Variants in FRMD6 observed in about 807,000 individuals in gnomAD.
The protein encoded by FRMD6 is FERM domain containing 6, also known as FERM domain-containing protein 6.
A neutral mutation model predicts 73.2 loss-of-function variants in FRMD6; 37 were observed. That is an observed-to-expected ratio of 0.51 (90% CI 0.39 to 0.66). The LOEUF is 0.66. FRMD6 is among the 30% of genes least tolerant of loss of function. The pLI is 0.00. For missense variants in FRMD6, 714 were observed against 780.5 expected (o/e 0.91, Z 1.02); for synonymous variants, 273 against 282.2 (o/e 0.97, Z 0.33).
At chr14:51,573,743 C>T (rs746802898) in intron 2 of FRMD6, among the ~76,000 whole-genome samples, 6 of 152,126 alleles carry the variant, frequency 3.9e-5, no homozygotes, top group Admixed American at 6.5e-5. Context: ...GGAGACTGGA[C>T]GCTTACCTTA....
chr14:51,681,377 T>G (rs1894786129), intron 1 of FRMD6, among the ~76,000 whole-genome samples: 1 of 152,228 alleles, frequency 6.6e-6, no homozygotes, highest in East Asian at 1.9e-4. Flanking sequence ...CCAGTTATGT[T>G]TCTTGCTAGT....
chr14:51,482,469 C>G, the FRMD6 span, among the ~76,000 whole-genome samples: 24,484 of 152,162 alleles, frequency 0.16, 2,075 homozygotes, highest in Non-Finnish European at 0.19. Flanking sequence ...ATGGGTGTTT[C>G]TATAACCTGT....
Position 51,563,651 on chromosome 14 carries a change from T to C in FRMD6, c.-209-6697T>C, listed in dbSNP as rs141369068. Among the ~76,000 whole-genome samples the C allele has an allele frequency of 4.8e-3, 728 of 151,940 alleles. 7 individuals carry two copies. The highest frequency in any genetic ancestry group is 0.016 in the African/African-American group (676 of 41,392). On this transcript the variant is annotated intron_variant, in intron 1 of 14. Coordinates refer to the FRMD6 transcript ENST00000356218. ...TGCCACTGCACTCCAGCCTAGGCAA[T>C]AGAGCGAGATTCAGTCTCAAAAAAA...
chr14:51,554,572 C>A (rs1188116885), intron 1 of FRMD6: 1 of 152,194 alleles, frequency 6.6e-6, no homozygotes, highest in East Asian at 1.9e-4. Flanking sequence ...TCTGTGGAAT[C>A]TGTGACTTTC....
chr14:51,530,681 C>T (rs1201309141), intron 1 of FRMD6, among the ~76,000 whole-genome samples: 2 of 151,530 alleles, frequency 1.3e-5, no homozygotes, highest in Admixed American at 1.3e-4. Context: ...GTCATGGGGT[C>T]TCACCATGTT....
chr14:51,543,551 A>G lies in FRMD6; in HGVS notation c.-209-26797A>G, dbSNP rs902559225. On this transcript the variant is annotated intron_variant, in intron 1 of 14. Transcript: ENST00000356218. ...ATCAAAAATTTATTGAGCATCTACC[A>G]CATGCTTGATAATATGCCAAGCACC... Among the ~76,000 whole-genome samples the G allele has an allele frequency of 9.9e-5, 15 of 152,008 alleles. 1 individual carries two copies. Among genetic ancestry groups the G allele is most frequent in the African/African-American group, 3.4e-4 (14 of 41,442 alleles).
At chr14:51,623,986 C>T (rs1891027123) in intron 2 of FRMD6, among the ~76,000 whole-genome samples, 1 of 152,168 alleles carries the variant, frequency 6.6e-6, no homozygotes, top group South Asian at 2.1e-4. Flanking sequence ...GGAAAAAGAT[C>T]ATGTCCTTTG....
chr14:51,633,227 C>T (rs928102347), intron 2 of FRMD6, among the ~76,000 whole-genome samples: 20 of 151,682 alleles, frequency 1.3e-4, no homozygotes, highest in African/African-American at 4.6e-4. Flanking sequence ...TCTACCAAAT[C>T]AAACTCTCTG....
the FRMD6 span, among the ~76,000 whole-genome samples, chr14:51,414,212 AC>A: frequency 1.3e-5 from 2 of 152,126 alleles, no homozygotes; most frequent in Non-Finnish European, 2.9e-5. Context: ...GGTGTTTTAG[AC>A]ATGAAGTCCT....
intron 5 of FRMD6, among the ~76,000 whole-genome samples, chr14:51,703,412 T>A (rs1466937352): frequency 1.3e-5 from 2 of 152,040 alleles, no homozygotes; most frequent in Non-Finnish European, 2.9e-5. Context: ...TAAAATTAGC[T>A]CTTGATATTT....
intron 1 of FRMD6, among the ~76,000 whole-genome samples, chr14:51,524,827 G>A (rs1885144723): frequency 6.6e-6 from 1 of 152,176 alleles, no homozygotes; most frequent in African/African-American, 2.4e-5. Context: ...TGATGCAAGA[G>A]TAGGTTGCAG....
In FRMD6 at chr14:51,536,097, T is replaced by TAGAGAG. The variant is rs1190338688; in HGVS notation, c.-209-34239_-209-34234dup. On this transcript the variant is annotated intron_variant, in intron 1 of 14. Transcript: ENST00000356218. The stretch of plus-strand genomic sequence containing the variant: ...TATATTTTATATATATATATATATA[T>TAGAGAG]AGAGAGAGAGAGAGAGAAACAGGGT... Among the ~76,000 whole-genome samples, 384 of 135,834 alleles carry TAGAGAG rather than the reference T, an allele frequency of 2.8e-3. 8 individuals are homozygous for TAGAGAG. The East Asian group carries it at 0.037, about 13-fold the overall frequency. The allele number at this position is 135,834 out of a possible 152,430, so 89.1% of individuals were successfully genotyped here.
At chr14:51,718,641 A>G (rs1209812613) in intron 10 of FRMD6, among the ~76,000 whole-genome samples, 1 of 152,122 alleles carries the variant, frequency 6.6e-6, no homozygotes, top group Non-Finnish European at 1.5e-5. Context: ...CTCCCTGACA[A>G]GTTGTACATG....
chr14:51,525,289 T>G (rs908014838), intron 1 of FRMD6, among the ~76,000 whole-genome samples: 4 of 151,896 alleles, frequency 2.6e-5, no homozygotes, highest in African/African-American at 9.7e-5. Flanking sequence ...TTTTTTTGAG[T>G]CGGAGTTTTG....
At chr14:51,672,346 T>G (rs965159887) in intron 1 of FRMD6, among the ~76,000 whole-genome samples, 1 of 152,192 alleles carries the variant, frequency 6.6e-6, no homozygotes, top group African/African-American at 2.4e-5. Context: ...ACAACAATGC[T>G]CCTGCTCAAT....
chr14:51,412,745 A>G, the FRMD6 span, among the ~76,000 whole-genome samples: 126,166 of 151,580 alleles, frequency 0.83, 53,039 homozygotes, highest in African/African-American at 0.93. Context: ...CCAGCTACTC[A>G]GGAGGCTGAG....
At chr14:51,623,699 A>G (rs1891017152) in intron 2 of FRMD6, among the ~76,000 whole-genome samples, 1 of 152,196 alleles carries the variant, frequency 6.6e-6, no homozygotes, top group African/African-American at 2.4e-5. Flanking sequence ...TTCCATTAGC[A>G]CTATTGGTAT....
chr14:51,634,660 A>AT (rs755225725), intron 2 of FRMD6, among the ~76,000 whole-genome samples: 57 of 152,190 alleles, frequency 3.7e-4, no homozygotes, highest in Non-Finnish European at 7.5e-4. Context: ...AGCTTTTGAC[A>AT]TTTTTTAAAA....
In FRMD6 at chr14:51,728,025, T is replaced by C; in HGVS notation, c.1865T>C (p.Val622Ala). ...CATGATGAAGTTCCAGAGTTTGTTG[T>C]GTAAAGTCCGTCTGTGTGCAGCTGT... ...LTHDEVPEFV[V>A] The change falls in exon 14 of 14, where the codon GTG (valine) becomes GCG (alanine). Residue 622 changes from valine (V) to alanine (A), a missense_variant. Coordinates refer to ENST00000344768, the MANE Select transcript of FRMD6 (RefSeq NM_001267046.2). 6.2e-7 allele frequency: 1 copy of C among 1,605,718 alleles called. No individual in the cohort carries two copies. Among genetic ancestry groups the C allele is most frequent in the Non-Finnish European group, 8.5e-7 (1 of 1,173,356 alleles).
Sources: allele counts gnomAD v4.1 joint callset (sites outside exome capture counted in the v4.1 genomes callset), GRCh38; gene constraint gnomAD v4.1.1; transcripts MANE v1.5; gene names NCBI Gene and HGNC (gene_info 2026-07-23, HGNC 2026-07-21).